The following ACTN2 variants were observed in gnomAD, a reference collection of about 807,000 sequenced individuals.
ACTN2 encodes actinin alpha 2, also known as alpha-actinin-2.
ACTN2 carries 39 observed loss-of-function variants against 113.8 expected under a neutral mutation model. The observed-to-expected ratio is 0.34, with a 90% CI of 0.27 to 0.45. The LOEUF is 0.45. ACTN2 is among the 20% of genes least tolerant of loss of function. The pLI is 1.00. For missense variants in ACTN2, 992 were observed against 1,177.9 expected (o/e 0.84, Z 2.31); for synonymous variants, 429 against 444.1 (o/e 0.97, Z 0.43).
chr1:236,746,144 C>T (rs1187325526), intron 12 of ACTN2, among the ~76,000 whole-genome samples: 29 of 115,428 alleles, frequency 2.5e-4, no homozygotes, highest in African/African-American at 7.8e-4. Flanking sequence ...CCAGCCTGGG[C>T]GACAGAGCAA....
intron 11 of ACTN2, among the ~76,000 whole-genome samples, chr1:236,744,061 A>G (rs767530617): frequency 5.9e-5 from 9 of 152,246 alleles, no homozygotes; most frequent in Non-Finnish European, 1.2e-4. Context: ...ACTCGTGACC[A>G]CAGCAGTTAC....
chr1:236,690,935 CTTTT>C (rs34214344), intron 1 of ACTN2, among the ~76,000 whole-genome samples: 4 of 103,292 alleles, frequency 3.9e-5, no homozygotes. Flanking sequence ...CTCGGGTGTA[CTTTT>C]TTTTTTTTTT....
Position 236,751,631 on chromosome 1 carries a change from G to A in ACTN2, c.1818G>A (p.Glu606=). ...SNPYSTVTMD[E]LRTKWDKVKQ... Reference sequence around the variant, plus strand: ...CGTACAGCACTGTCACCATGGATGAGCTCCGGACCAAGTGGGACAAGGTGG... The same window carrying A: ...CGTACAGCACTGTCACCATGGATGAACTCCGGACCAAGTGGGACAAGGTGG... The change falls in exon 15 of 21, where the codon GAG becomes GAA. Residue 606 remains glutamate (E), a synonymous_variant. Transcript: ENST00000366578. 1 of 1,613,978 alleles carries A rather than the reference G, an allele frequency of 6.2e-7. No individual in the cohort carries two copies. Among genetic ancestry groups the A allele is most frequent in the Non-Finnish European group, 8.5e-7 (1 of 1,179,880 alleles).
At chr1:236,733,576 C>T (rs942644303) in intron 7 of ACTN2, among the ~76,000 whole-genome samples, 10 of 152,208 alleles carry the variant, frequency 6.6e-5, no homozygotes, top group African/African-American at 2.4e-4. Flanking sequence ...AGAATAATTG[C>T]TCAAAAGAAT....
intron 19 of ACTN2, 56 bp from the exon 20 acceptor site, chr1:236,760,959 C>T (rs954040335): frequency 6.2e-6 from 10 of 1,610,390 alleles, no homozygotes; most frequent in Non-Finnish European, 8.5e-6. Context: ...ATGAAAACGG[C>T]TCTGTTGAGA....
In ACTN2 at chr1:236,751,551, A is replaced by G. The variant is rs758313752; in HGVS notation, c.1738A>G (p.Asn580Asp). Residue 580 changes from asparagine to aspartate, a missense_variant, in exon 15 of 21, where the codon AAC becomes GAC. By Grantham distance (23) the Asn-to-Asp change is conservative. Coordinates refer to ENST00000366578, the MANE Select transcript of ACTN2 (RefSeq NM_001103.4). ...GCGGCAGTCCATCATGGCCATCCAG[A>G]ACGAGGTGGAGAAGGTGATTCAGAG... ...GERQSIMAIQ[N>D]EVEKVIQSYN... 6.2e-7 allele frequency: 1 copy of G among 1,614,078 alleles called. No individual in the cohort carries two copies. The highest frequency in any genetic ancestry group is 1.7e-5 in the Admixed American group (1 of 60,018).
At position 236,739,322 on chromosome 1, in the gene ACTN2, C is replaced by A; in HGVS notation, c.897C>A (p.Arg299=). 3 of 1,614,018 alleles carry A rather than the reference C, an allele frequency of 1.9e-6. No individual in the cohort carries two copies. The South Asian group carries it at 3.3e-5, about 18-fold the overall frequency. ...LASELLEWIR[R]TIPWLENRTP... ...AGCAGCTTTTGGAATGGATTCGTCG[C>A]ACGATCCCCTGGCTGGAGAACCGGA... The change falls in exon 10 of 21, where the codon CGC becomes CGA. Residue 299 remains arginine (R), a synonymous_variant. Transcript: ENST00000366578.
intron 1 of ACTN2, among the ~76,000 whole-genome samples, chr1:236,689,654 C>T (rs924273564): frequency 3.3e-4 from 51 of 152,240 alleles, no homozygotes; most frequent in Admixed American, 2.0e-3. Flanking sequence ...TGCTCAGCCC[C>T]AGATACAATA....
At chr1:236,695,562 T>TTCCC (rs1657466450) in intron 1 of ACTN2, among the ~76,000 whole-genome samples, 1 of 34,894 alleles carries the variant, frequency 2.9e-5, no homozygotes, top group Non-Finnish European at 7.1e-5. Context: ...TTGAAATGAG[T>TTCCC]TCCCCCCCCC....
intron 1 of ACTN2, among the ~76,000 whole-genome samples, chr1:236,711,867 A>G (rs1300416954): frequency 2.0e-5 from 3 of 152,168 alleles, no homozygotes; most frequent in Non-Finnish European, 4.4e-5. Context: ...AGGAGGTTGG[A>G]GGGTTCTGCA....
chr1:236,737,297 G>GTTTA, intron 9 of ACTN2, 83 bp downstream of exon 9: 2 of 322,156 alleles, frequency 6.2e-6, no homozygotes, highest in African/African-American at 2.8e-5. Flanking sequence ...CTCCGTGGGG[G>GTTTA]CATATATATA....
intron 1 of ACTN2, 93 bp from the exon 2 acceptor site, chr1:236,717,765 C>G (rs1658264453): frequency 1.2e-6 from 1 of 863,190 alleles, no homozygotes; most frequent in South Asian, 1.4e-5. Context: ...CTTGTAGATT[C>G]CCAAGAACGT....
At chr1:236,753,871 C>CAAATAACCCAA in intron 15 of ACTN2, 76 bp from the exon 16 acceptor site, 3 of 1,062,636 alleles carry the variant, frequency 2.8e-6, no homozygotes, top group Non-Finnish European at 4.2e-6. Flanking sequence ...ACCCCTTGGA[C>CAAATAACCCAA]TATTCCCGCA....
chr1:236,729,069 GATTTCTTTTTCCATC>G (rs888906538), intron 6 of ACTN2, among the ~76,000 whole-genome samples: 6 of 152,138 alleles, frequency 3.9e-5, no homozygotes, highest in African/African-American at 1.4e-4. Context: ...AAGGGACCTT[GATTTCTTTTTCCATC>G]ATGGGTGGTG....
chr1:236,754,911 CGCTGGCCTAGCA>C lies in ACTN2; in HGVS notation c.1975-107_1975-96del. The C allele has an allele frequency of 7.5e-7, 1 of 1,333,256 alleles. No individual in the cohort carries two copies. Among genetic ancestry groups the C allele is most frequent in the Non-Finnish European group, 1.1e-6 (1 of 926,896 alleles). 82.6% of individuals were successfully genotyped at this position (1,333,256 alleles called of 1,614,324 possible). A position where few individuals can be genotyped will look rare whatever the true frequency, so the allele number is the denominator to read the frequency against. On this transcript the variant is annotated intron_variant, in intron 16 of 20. Transcript: ENST00000366578. This position sits in a 1 kb window ranked among gnomAD's most constrained non-coding sequence, Gnocchi z 4.9. ...CCGAGTGACACTGGCCGCTGCCTGA[CGCTGGCCTAGCA>C]TCCCATGCAGGGTCTGGAACGGCGC...
At chr1:236,692,660 G>T (rs549956870) in intron 1 of ACTN2, among the ~76,000 whole-genome samples, 1 of 152,308 alleles carries the variant, frequency 6.6e-6, no homozygotes, top group South Asian at 2.1e-4. Flanking sequence ...AGAATCACAG[G>T]TGCAGGAGTT....
At chr1:236,759,576 C>T in intron 18 of ACTN2, 148 bp from the exon 19 acceptor site, 1 of 715,226 alleles carries the variant, frequency 1.4e-6, no homozygotes, top group East Asian at 2.7e-5. Flanking sequence ...CTTGTGCTGG[C>T]TCCATCCTTC....
At chr1:236,715,707 G>C (rs969232827) in intron 1 of ACTN2, among the ~76,000 whole-genome samples, 16 of 152,170 alleles carry the variant, frequency 1.1e-4, no homozygotes, top group Non-Finnish European at 1.5e-5. Context: ...TGTAATCCCA[G>C]CACTTTGAGA....
Position 236,742,929 on chromosome 1 carries a change from G to T in ACTN2, c.1141G>T (p.Ala381Ser). Residue 381 changes from alanine (A) to serine (S), a missense_variant, in exon 11 of 21, where the codon GCT (alanine) becomes TCT (serine). Around this residue, in one of 3 missense-constraint regions of ACTN2, gnomAD observed 736 missense variants for 815.4 expected, o/e 0.90. Transcript: ENST00000366578. Reference protein sequence around the residue: ...IAGAWQRLEQAEKGYEEWLLN... With the variant: ...IAGAWQRLEQSEKGYEEWLLN... ...TGGTGCCTGGCAGAGGCTGGAGCAG[G>T]CTGAGAAGGGTTACGAGGAGTGGTT... is the stretch of plus-strand genomic sequence containing the variant. 1 of 1,614,216 alleles carries T rather than the reference G, an allele frequency of 6.2e-7. No homozygotes were observed. Among genetic ancestry groups the T allele is most frequent in the African/African-American group, 1.3e-5 (1 of 75,050 alleles).
Sources: gnomAD v4.1 joint callset for allele counts (sites outside exome capture counted in the v4.1 genomes callset) on GRCh38, gnomAD v4.1.1 for gene constraint, gnomAD v4.1.1 regional missense constraint, Gnocchi (gnomAD v3.1) non-coding constraint, MANE v1.5 for transcripts, NCBI Gene and HGNC (gene_info 2026-07-23, HGNC 2026-07-21) for gene names.